LOC128092252: variants seen among roughly 807,000 people sequenced by gnomAD.
At chr15:50,666,231 G>C in the LOC128092252 span, among the ~76,000 whole-genome samples, 4 of 151,966 alleles carry the variant, frequency 2.6e-5, no homozygotes, top group Non-Finnish European at 5.9e-5. Flanking sequence ...GAGTCCAGGA[G>C]TTTGAGACCA....
the LOC128092252 span, among the ~76,000 whole-genome samples, chr15:50,674,874 T>A: frequency 6.6e-6 from 1 of 152,184 alleles, no homozygotes; most frequent in Non-Finnish European, 1.5e-5. Context: ...CTACATCCCA[T>A]AGTTTTGGGT....
chr15:50,681,165 C>T, the LOC128092252 span, among the ~76,000 whole-genome samples: 1 of 151,878 alleles, frequency 6.6e-6, no homozygotes, highest in Non-Finnish European at 1.5e-5. Flanking sequence ...GCAGGAGAAT[C>T]ACTTGAACCC....
chr15:50,670,117 G>A, the LOC128092252 span, among the ~76,000 whole-genome samples: 1 of 152,028 alleles, frequency 6.6e-6, no homozygotes, highest in East Asian at 1.9e-4. Context: ...TCTCTATCAC[G>A]GACACAAGAG....
chr15:50,662,849 A>G, the LOC128092252 span: 10 of 770,096 alleles, frequency 1.3e-5, no homozygotes, highest in Admixed American at 2.8e-5. Flanking sequence ...AGTAATTATA[A>G]AAAGTAACAG....
At chr15:50,653,822 G>C in the LOC128092252 span, among the ~76,000 whole-genome samples, 1 of 152,202 alleles carries the variant, frequency 6.6e-6, no homozygotes, top group Non-Finnish European at 1.5e-5. Flanking sequence ...GTATCTGTGA[G>C]AGATTCTGTG....
chr15:50,680,929 T>C, the LOC128092252 span, among the ~76,000 whole-genome samples: 3 of 152,140 alleles, frequency 2.0e-5, no homozygotes, highest in African/African-American at 2.4e-5. Context: ...GAAAACAGTA[T>C]TGACATCACA....
At chr15:50,677,197 A>C in the LOC128092252 span, among the ~76,000 whole-genome samples, 1 of 152,106 alleles carries the variant, frequency 6.6e-6, no homozygotes, top group African/African-American at 2.4e-5. Context: ...GTGTCTTCAC[A>C]CAGTGAAGAG....
At chr15:50,654,509 C>G in the LOC128092252 span, among the ~76,000 whole-genome samples, 2 of 151,294 alleles carry the variant, frequency 1.3e-5, 1 homozygote, top group South Asian at 4.2e-4. Flanking sequence ...TCACCAGAAA[C>G]AGACCCTAAA....
chr15:50,683,525 A>C, the LOC128092252 span, among the ~76,000 whole-genome samples: 1 of 152,124 alleles, frequency 6.6e-6, no homozygotes, highest in African/African-American at 2.4e-5. Context: ...ACCTGGGGTC[A>C]GGAGTTTGAG....
the LOC128092252 span, among the ~76,000 whole-genome samples, chr15:50,675,899 T>C: frequency 6.6e-6 from 1 of 152,212 alleles, no homozygotes; most frequent in South Asian, 2.1e-4. Flanking sequence ...TGGTCTGAGT[T>C]AGGATCCCAG....
chr15:50,684,180 T>C, the LOC128092252 span, among the ~76,000 whole-genome samples: 1 of 145,956 alleles, frequency 6.9e-6, no homozygotes, highest in East Asian at 2.1e-4. Flanking sequence ...TGAGACAGAG[T>C]CTCACTCTGT....
the LOC128092252 span, among the ~76,000 whole-genome samples, chr15:50,679,404 C>CAT: frequency 6.8e-6 from 1 of 146,034 alleles, no homozygotes; most frequent in Admixed American, 6.8e-5. Context: ...AACCCATTAT[C>CAT]TATCAGTGAG....
the LOC128092252 span, among the ~76,000 whole-genome samples, chr15:50,671,595 G>A: frequency 6.6e-6 from 1 of 152,052 alleles, no homozygotes; most frequent in Non-Finnish European, 1.5e-5. Context: ...GACTGCTTGA[G>A]GCCAGGAGTT....
At chr15:50,657,316 T>A in the LOC128092252 span, among the ~76,000 whole-genome samples, 4 of 152,168 alleles carry the variant, frequency 2.6e-5, no homozygotes, top group Non-Finnish European at 5.9e-5. Context: ...AGAGCAAGAC[T>A]CCGTCTCAAA....
the LOC128092252 span, among the ~76,000 whole-genome samples, chr15:50,658,613 A>G: frequency 1.3e-5 from 2 of 151,982 alleles, no homozygotes; most frequent in Admixed American, 6.6e-5. Flanking sequence ...GAATACAGAG[A>G]GAGTCTGGTA....
the LOC128092252 span, chr15:50,686,628 C>T: frequency 6.5e-7 from 1 of 1,532,252 alleles, no homozygotes; most frequent in Non-Finnish European, 8.8e-7. Context: ...CCGGAGGCGG[C>T]AGCAGAGGCC....
the LOC128092252 span, among the ~76,000 whole-genome samples, chr15:50,659,965 A>T: frequency 6.6e-6 from 1 of 152,282 alleles, no homozygotes; most frequent in African/African-American, 2.4e-5. Context: ...ACACCCGACC[A>T]ACAAAATCTA....
At chr15:50,652,055 G>A in the LOC128092252 span, among the ~76,000 whole-genome samples, 3 of 151,680 alleles carry the variant, frequency 2.0e-5, no homozygotes, top group Non-Finnish European at 1.5e-5. Context: ...AGAATGGGCC[G>A]GGTGCGGTGG....
the LOC128092252 span, among the ~76,000 whole-genome samples, chr15:50,651,411 C>T: frequency 4.6e-5 from 7 of 151,948 alleles, no homozygotes; most frequent in South Asian, 1.5e-3. Context: ...TTTGGGAAGC[C>T]GAGGCGGGTG....
Sources: gnomAD v4.1 joint callset for allele counts (sites outside exome capture counted in the v4.1 genomes callset) on GRCh38, gnomAD v4.1.1 for gene constraint, MANE v1.5 for transcripts.